The following PHAX variants were observed in gnomAD, a reference collection of about 807,000 sequenced individuals.
PHAX encodes phosphorylated adapter RNA export protein.
In PHAX, 31 loss-of-function variants were observed where a neutral mutation model predicts 41.6. That is an observed-to-expected ratio of 0.75 (90% CI 0.56 to 1.01). PHAX has a LOEUF of 1.01. PHAX is among the 50% of genes least tolerant of loss of function. The pLI, the probability that PHAX is intolerant of heterozygous loss-of-function variation, is 0.00. For synonymous variants in PHAX, 175 were observed against 164.9 expected, an observed-to-expected ratio of 1.06 and a Z score of -0.47; for missense variants, 453 against 472.9, an observed-to-expected ratio of 0.96 and a Z score of 0.39.
chr5:126,625,089 A>G lies in PHAX; in HGVS notation c.*245A>G. ...TCTCAATCTGTTGCATGTGCTAATT[A>G]TGAGTATTACTAGTTGATAATCAGT... On this transcript the variant is annotated 3_prime_UTR_variant, in exon 5 of 5. Coordinates refer to ENST00000297540, the MANE Select transcript of PHAX (RefSeq NM_032177.4). The G allele has an allele frequency of 2.2e-6, 1 of 448,808 alleles. No individual in the cohort carries two copies. The allele number at this position is 448,808 out of a possible 1,614,324, so 27.8% of individuals were successfully genotyped here. A position where few individuals can be genotyped will look rare whatever the true frequency, so the allele number is the denominator to read the frequency against.
Position 126,603,904 on chromosome 5 carries a change from A to G in PHAX, c.431A>G (p.Asp144Gly), listed in dbSNP as rs1378562354. ...ATCTTGGGAATGGAGGGCACTATTG[A>G]CAGAAGCAGACAATCCGAGACCTAC... ...LGILGMEGTI[D>G]RSRQSETYNY... Residue 144 changes from aspartate to glycine, a missense_variant, in exon 2 of 5, where the codon GAC becomes GGC. By Grantham distance (94) the Asp-to-Gly change is moderately conservative (BLOSUM62 -1). Coordinates refer to ENST00000297540, the MANE Select transcript of PHAX (RefSeq NM_032177.4). The G allele has an allele frequency of 6.2e-7, 1 of 1,613,956 alleles. No homozygotes were observed. Among genetic ancestry groups the G allele is most frequent in the South Asian group, 1.1e-5 (1 of 91,072 alleles).
At chr5:126,601,165 G>A (rs1284431461) in intron 1 of PHAX, 107 bp downstream of exon 1, 2 of 764,194 alleles carry the variant, frequency 2.6e-6, no homozygotes, top group East Asian at 6.3e-5. Flanking sequence ...AGGAGCCCGG[G>A]CCAGAGCGAG....
At chr5:126,607,388 CTTTTTT>C (rs58375322) in intron 2 of PHAX, among the ~76,000 whole-genome samples, 81 of 85,390 alleles carry the variant, frequency 9.5e-4, no homozygotes, top group African/African-American at 3.4e-3. Flanking sequence ...GGTCTGAATT[CTTTTTT>C]TTTTTTTTTT....
intron 3 of PHAX, 47 bp from the exon 4 acceptor site, chr5:126,617,203 T>C: frequency 8.2e-7 from 1 of 1,214,622 alleles, no homozygotes; most frequent in East Asian, 2.3e-5. Context: ...CCTTGACCAT[T>C]TATGGGAAGA....
rs1752013104 is a variant in PHAX at position 126,607,729 on chromosome 5, G to A, written c.711-635G>A. ...AATTCTTGATCTGTTGAGAGTGTGAGCTTTGACACTGGAAGAATTACTTAG... is the reference window on the plus strand; with the variant it reads ...AATTCTTGATCTGTTGAGAGTGTGAACTTTGACACTGGAAGAATTACTTAG... On this transcript the variant is annotated intron_variant, in intron 2 of 4. Transcript: ENST00000297540. Among the ~76,000 whole-genome samples, 3 of 152,260 alleles carry A rather than the reference G, an allele frequency of 2.0e-5. No homozygotes were observed. In the South Asian group the frequency reaches 6.2e-4, roughly 32 times the overall value.
chr5:126,617,760 G>A (rs1264692362), intron 4 of PHAX, among the ~76,000 whole-genome samples: 8 of 152,130 alleles, frequency 5.3e-5, no homozygotes, highest in African/African-American at 1.9e-4. Context: ...GATTACAGGC[G>A]TGAGCCAGTG....
intron 2 of PHAX, 145 bp from the exon 3 acceptor site, chr5:126,608,219 T>C (rs1275284855): frequency 4.7e-6 from 4 of 845,128 alleles, no homozygotes; most frequent in Non-Finnish European, 1.7e-6. Context: ...AATATTTACA[T>C]GTCAGTGATT....
At chr5:126,605,530 T>C (rs1751975468) in intron 2 of PHAX, among the ~76,000 whole-genome samples, 1 of 151,746 alleles carries the variant, frequency 6.6e-6, no homozygotes, top group South Asian at 2.1e-4. Context: ...GCTGGGACTA[T>C]AGGCATTCGC....
At chr5:126,624,391 T>G (rs147926519) in intron 4 of PHAX, among the ~76,000 whole-genome samples, 184 bp from the exon 5 acceptor site, 145 of 152,314 alleles carry the variant, frequency 9.5e-4, no homozygotes, top group African/African-American at 2.9e-3. Flanking sequence ...TAGGCTGGGT[T>G]TAAATCAGTT....
At chr5:126,604,640 C>G (rs567077056) in intron 2 of PHAX, among the ~76,000 whole-genome samples, 241 of 152,172 alleles carry the variant, frequency 1.6e-3, no homozygotes, top group African/African-American at 5.5e-3. Flanking sequence ...GCAATCACAC[C>G]TCACTGGAAC....
chr5:126,625,311 C>T lies in PHAX; in HGVS notation c.*467C>T, dbSNP rs1271885631. On this transcript the variant is annotated 3_prime_UTR_variant, in exon 5 of 5. Coordinates refer to ENST00000297540, the MANE Select transcript of PHAX (RefSeq NM_032177.4). ...AGGCAATTTTAAGGATAAAAACTAA[C>T]ATTGGCCAGGCACGGTGGCTCACGC... 1.3e-5 allele frequency: 2 copies of T among 154,898 alleles called. No homozygotes were observed. Among genetic ancestry groups the T allele is most frequent in the Non-Finnish European group, 2.9e-5 (2 of 69,846 alleles). The allele number at this position is 154,898 out of a possible 1,614,324, so 9.6% of individuals were successfully genotyped here. A position where few individuals can be genotyped will look rare whatever the true frequency, so the allele number is the denominator to read the frequency against.
rs184310158 is a variant in PHAX at position 126,626,174 on chromosome 5, G to A, written c.*1330G>A. 1.8e-3 allele frequency: 276 copies of A among 152,038 alleles called. No homozygotes were observed. Among genetic ancestry groups the A allele is most frequent in the African/African-American group, 6.3e-3 (263 of 41,444 alleles). The allele number at this position is 152,038 out of a possible 1,614,324, so 9.4% of individuals were successfully genotyped here. On this transcript the variant is annotated 3_prime_UTR_variant, in exon 5 of 5. Coordinates refer to ENST00000297540, the MANE Select transcript of PHAX (RefSeq NM_032177.4). ...AGAGGAAGATTGCTTGAGCCCAGGA[G>A]TTTGAGACCAATCTAGGCAATGTAG...
At chr5:126,607,195 T>G (rs988438396) in intron 2 of PHAX, among the ~76,000 whole-genome samples, 10 of 152,166 alleles carry the variant, frequency 6.6e-5, no homozygotes, top group African/African-American at 2.2e-4. Flanking sequence ...ACTTGATTTT[T>G]AAAATACTGG....
In PHAX at chr5:126,625,972, G is replaced by A. The variant is rs1752343044; in HGVS notation, c.*1128G>A. The A allele has an allele frequency of 6.6e-6, 1 of 152,168 alleles. No individual in the cohort carries two copies. Among genetic ancestry groups the A allele is most frequent in the Non-Finnish European group, 1.5e-5 (1 of 68,074 alleles). 9.4% of individuals were successfully genotyped at this position (152,168 alleles called of 1,614,324 possible). ...TGCCTCCCAAAGTGCTGGGATCACAGGCATGAGCCACCGAACCCAGCCTTA... is the reference window on the plus strand; with the variant it reads ...TGCCTCCCAAAGTGCTGGGATCACAAGCATGAGCCACCGAACCCAGCCTTA... On this transcript the variant is annotated 3_prime_UTR_variant, in exon 5 of 5. Transcript: ENST00000297540.
chr5:126,610,176 A>G (rs1469038462), intron 3 of PHAX, among the ~76,000 whole-genome samples: 1 of 152,258 alleles, frequency 6.6e-6, no homozygotes, highest in Non-Finnish European at 1.5e-5. Context: ...TGGTAGAGCA[A>G]TAATGGGAGA....
chr5:126,606,371 T>G (rs1581416598), intron 2 of PHAX, among the ~76,000 whole-genome samples: 1 of 152,146 alleles, frequency 6.6e-6, no homozygotes, highest in East Asian at 1.9e-4. Context: ...AATTTTTATA[T>G]TTTTTAGTAG....
At chr5:126,601,591 A>G (rs976850598) in intron 1 of PHAX, among the ~76,000 whole-genome samples, 1 of 152,052 alleles carries the variant, frequency 6.6e-6, no homozygotes, top group Non-Finnish European at 1.5e-5. Context: ...TCACTCAAAG[A>G]TCTGGTTTTC....
intron 1 of PHAX, 27 bp downstream of exon 1, chr5:126,601,085 C>T (rs1287075725): frequency 6.5e-7 from 1 of 1,530,564 alleles, no homozygotes; most frequent in East Asian, 2.4e-5. Flanking sequence ...GGTGGGTGAT[C>T]GTGGCTGGGC....
At chr5:126,611,756 G>A (rs549773886) in intron 3 of PHAX, among the ~76,000 whole-genome samples, 92 of 150,560 alleles carry the variant, frequency 6.1e-4, no homozygotes, top group African/African-American at 2.2e-3. Flanking sequence ...GTGCCACTGC[G>A]CTCCAGCTTG....
Sources: gnomAD v4.1 joint callset for allele counts (sites outside exome capture counted in the v4.1 genomes callset) on GRCh38, gnomAD v4.1.1 for gene constraint, MANE v1.5 for transcripts, NCBI Gene and HGNC (gene_info 2026-07-23, HGNC 2026-07-21) for gene names.